ZPBP: variants seen among roughly 807,000 people sequenced by gnomAD.
ZPBP encodes zona pellucida binding protein.
ZPBP carries 26 observed loss-of-function variants against 44.8 expected under a neutral mutation model. The observed-to-expected ratio is 0.58, with a 90% CI of 0.43 to 0.81. ZPBP has a LOEUF of 0.81. ZPBP is among the 30% of genes least tolerant of loss of function. The pLI, the probability that ZPBP is intolerant of heterozygous loss-of-function variation, is 0.00. For missense variants in ZPBP, 409 were observed against 434.0 expected (o/e 0.94, Z 0.51); for synonymous variants, 174 against 153.2 (o/e 1.14, Z -1.00).
intron 3 of ZPBP, among the ~76,000 whole-genome samples, chr7:50,072,308 T>G (rs1801880011): frequency 6.6e-6 from 1 of 152,198 alleles, no homozygotes; most frequent in African/African-American, 2.4e-5. Context: ...GTGTGTCTTT[T>G]GCTTTGAGTG....
At chr7:50,051,288 T>C (rs899827056) in intron 4 of ZPBP, among the ~76,000 whole-genome samples, 31 of 152,118 alleles carry the variant, frequency 2.0e-4, no homozygotes, top group Admixed American at 3.3e-4. Flanking sequence ...AAATAACAGA[T>C]GCTGTCGAGG....
intron 6 of ZPBP, among the ~76,000 whole-genome samples, chr7:50,012,842 G>A (rs1459295331): frequency 6.6e-6 from 1 of 151,502 alleles, no homozygotes; most frequent in East Asian, 1.9e-4. Context: ...AAATAATGAA[G>A]TAACACTGTC....
intron 6 of ZPBP, among the ~76,000 whole-genome samples, chr7:50,013,835 T>C (rs1282357649): frequency 3.9e-5 from 6 of 152,116 alleles, no homozygotes; most frequent in Non-Finnish European, 4.4e-5. Context: ...GACACTATGA[T>C]AGCTTGACTT....
chr7:49,968,854 C>T (rs539606501), intron 7 of ZPBP, among the ~76,000 whole-genome samples: 1 of 151,882 alleles, frequency 6.6e-6, no homozygotes, highest in Admixed American at 6.5e-5. Flanking sequence ...TAGTTAATAG[C>T]ATACTACATA....
At chr7:49,919,822 A>C (rs1793933604) in intron 1 of ZPBP, 1 of 152,336 alleles carries the variant, frequency 6.6e-6, no homozygotes, top group Admixed American at 6.5e-5. Context: ...TTTTCTCTCA[A>C]GAAAAAGATT....
At chr7:50,061,089 A>G (rs1445453034) in intron 3 of ZPBP, among the ~76,000 whole-genome samples, 2 of 152,182 alleles carry the variant, frequency 1.3e-5, no homozygotes, top group Non-Finnish European at 2.9e-5. Flanking sequence ...GATGCAGAAA[A>G]GCCATTCAAT....
chr7:49,861,011 G>A lies in ZPBP; in HGVS notation n.510-10497C>T, dbSNP rs563002442. ...CCAGTCTGTGGTATTTTAAATGGTAGCTCTAGGGAACTAAGAAAGTAACTC... is the reference window on the plus strand; with the variant it reads ...CCAGTCTGTGGTATTTTAAATGGTAACTCTAGGGAACTAAGAAAGTAACTC... On this transcript the variant is annotated intron_variant and non_coding_transcript_variant, in intron 2 of 2. Transcript: ENST00000465922. Among the ~76,000 whole-genome samples the A allele has an allele frequency of 7.9e-5, 12 of 152,326 alleles. No individual in the cohort carries two copies. In the South Asian group the frequency reaches 2.5e-3, roughly 32 times the overall value.
intron 2 of ZPBP, among the ~76,000 whole-genome samples, chr7:49,859,960 T>G (rs1233552027): frequency 6.6e-6 from 1 of 151,710 alleles, no homozygotes; most frequent in Non-Finnish European, 1.5e-5. Flanking sequence ...ATGTGTTTAC[T>G]TATGTATAAA....
chr7:50,062,676 C>T (rs114216144), intron 3 of ZPBP, among the ~76,000 whole-genome samples: 1 of 152,070 alleles, frequency 6.6e-6, no homozygotes, highest in South Asian at 2.1e-4. Context: ...AAAATCAATG[C>T]AAGATGACTT....
At chr7:49,868,370 T>A (rs984966009) in intron 2 of ZPBP, among the ~76,000 whole-genome samples, 1 of 152,250 alleles carries the variant, frequency 6.6e-6, no homozygotes, top group African/African-American at 2.4e-5. Context: ...GTTCATTTCC[T>A]TGATCATAAA....
chr7:50,003,277 T>C (rs980951623), intron 6 of ZPBP, among the ~76,000 whole-genome samples: 3 of 152,102 alleles, frequency 2.0e-5, no homozygotes, highest in African/African-American at 4.8e-5. Context: ...TAAACAATAA[T>C]ATATGGATTA....
At chr7:49,879,115 T>C (rs912773386) in intron 2 of ZPBP, among the ~76,000 whole-genome samples, 1 of 152,174 alleles carries the variant, frequency 6.6e-6, no homozygotes, top group Non-Finnish European at 1.5e-5. Flanking sequence ...TTTTTCTTAT[T>C]TATCTCCACT....
At chr7:50,041,500 T>A (rs1478997144) in intron 4 of ZPBP, among the ~76,000 whole-genome samples, 1 of 152,194 alleles carries the variant, frequency 6.6e-6, no homozygotes, top group Non-Finnish European at 1.5e-5. Flanking sequence ...CCTCCACTGG[T>A]GATACCTAGG....
At chr7:49,959,979 A>G (rs185808699) in intron 7 of ZPBP, among the ~76,000 whole-genome samples, 46 of 152,338 alleles carry the variant, frequency 3.0e-4, no homozygotes, top group African/African-American at 1.1e-3. Flanking sequence ...TAATAGAGGA[A>G]GAAAAGTATC....
chr7:50,044,425 C>G (rs1383603136), intron 4 of ZPBP, among the ~76,000 whole-genome samples: 1 of 151,498 alleles, frequency 6.6e-6, no homozygotes, highest in Non-Finnish European at 1.5e-5. Context: ...GCTAGCCAGA[C>G]TAATAAAGAA....
At chr7:49,871,822 A>G (rs529433853) in intron 2 of ZPBP, among the ~76,000 whole-genome samples, 1 of 150,628 alleles carries the variant, frequency 6.6e-6, no homozygotes, top group Non-Finnish European at 1.5e-5. Context: ...TATACACCCA[A>G]TCAAAGACAT....
chr7:49,862,531 T>C (rs1790695203), intron 2 of ZPBP, among the ~76,000 whole-genome samples: 1 of 152,192 alleles, frequency 6.6e-6, no homozygotes, highest in Non-Finnish European at 1.5e-5. Context: ...TGGAAATCCT[T>C]GTCTTGTTCC....
intron 7 of ZPBP, chr7:49,943,981 T>C (rs781593527): frequency 5.7e-5 from 17 of 300,182 alleles, no homozygotes; most frequent in Admixed American, 2.6e-4. Flanking sequence ...TGCAAATAAA[T>C]TTGGTTGCTT....
At chr7:50,001,180 A>T (rs1798080255) in intron 6 of ZPBP, among the ~76,000 whole-genome samples, 1 of 152,176 alleles carries the variant, frequency 6.6e-6, no homozygotes, top group Non-Finnish European at 1.5e-5. Flanking sequence ...AGCCCTAGCA[A>T]ACTAATAAAC....
Sources: allele counts gnomAD v4.1 joint callset (sites outside exome capture counted in the v4.1 genomes callset), GRCh38; gene constraint gnomAD v4.1.1; transcripts MANE v1.5; gene names NCBI Gene and HGNC (gene_info 2026-07-23, HGNC 2026-07-21).